AAMDC: variants seen among roughly 807,000 people sequenced by gnomAD.
AAMDC encodes the protein adipogenesis associated Mth938 domain containing.
In AAMDC, 16 loss-of-function variants were observed where a neutral mutation model predicts 15.5. The ratio of observed to expected loss-of-function variants is 1.03; its 90% CI spans 0.70 to 1.57. The LOEUF is 1.57. Ranked by LOEUF, AAMDC falls within the 40% of genes most tolerant of loss-of-function variation. AAMDC has a pLI of 0.00. For synonymous variants in AAMDC, 51 were observed against 51.6 expected (o/e 0.99, Z 0.05); for missense variants, 141 against 144.9 (o/e 0.97, Z 0.14).
At chr11:77,898,292 A>C (rs1952619402) in intron 5 of AAMDC, among the ~76,000 whole-genome samples, 1 of 152,182 alleles carries the variant, frequency 6.6e-6, no homozygotes, top group Non-Finnish European at 1.5e-5. Flanking sequence ...CCTCCCGAGT[A>C]GCTGGGATTA....
intron 5 of AAMDC, chr11:77,878,855 TAC>T (rs1376516026): frequency 1.1e-6 from 1 of 885,800 alleles, no homozygotes; most frequent in African/African-American, 1.6e-5. Context: ...TCCTTAAGCC[TAC>T]ACATCAATTC....
intron 2 of AAMDC, among the ~76,000 whole-genome samples, chr11:77,845,485 C>T (rs1010997264): frequency 6.6e-6 from 1 of 151,894 alleles, no homozygotes; most frequent in Admixed American, 6.6e-5. Flanking sequence ...AGCTGGAGTG[C>T]CGTGGCACAA....
intron 5 of AAMDC, chr11:77,879,097 A>ATG (rs769873160): frequency 6.2e-7 from 1 of 1,614,222 alleles, no homozygotes. Context: ...GTTGTAGGCC[A>ATG]GCAGCAGCCT....
chr11:77,837,525 G>T (rs1442534673), intron 1 of AAMDC, among the ~76,000 whole-genome samples: 1 of 152,002 alleles, frequency 6.6e-6, no homozygotes. Context: ...TGCGATCTTG[G>T]CTCATTGTTA....
At chr11:77,874,894 A>G (rs531951911), downstream of AAMDC, among the ~76,000 whole-genome samples, 7 of 152,202 alleles carry the variant, frequency 4.6e-5, no homozygotes, top group Non-Finnish European at 1.0e-4. Context: ...AAAATTAGCC[A>G]GGCGTGGTGG....
At chr11:77,883,322 C>T (rs1951866174) in intron 5 of AAMDC, among the ~76,000 whole-genome samples, 1 of 152,088 alleles carries the variant, frequency 6.6e-6, no homozygotes. Flanking sequence ...GGCTTACAGG[C>T]TTGAAATGTA....
Position 77,868,674 on chromosome 11 carries a change from TTTGTTG to T in AAMDC, c.133-1027_133-1022del, listed in dbSNP as rs575076133. ...TTTTTTAATGTACAGTCCAGAGGTT[TTTGTTG>T]TTGTTGTTGTTGTTGTTGTTTTTTA... On this transcript the variant is annotated intron_variant, in intron 2 of 3. Transcript: ENST00000393427. The T allele has an allele frequency of 7.6e-5, 13 of 170,394 alleles. No homozygotes were observed. In the East Asian group the frequency reaches 1.1e-3, roughly 15 times the overall value. 10.6% of individuals were successfully genotyped at this position (170,394 alleles called of 1,614,324 possible). A position where few individuals can be genotyped will look rare whatever the true frequency, so the allele number is the denominator to read the frequency against.
At chr11:77,856,382 T>C (rs1048326592) in intron 2 of AAMDC, among the ~76,000 whole-genome samples, 7 of 152,196 alleles carry the variant, frequency 4.6e-5, no homozygotes, top group Admixed American at 3.9e-4. Context: ...TCATCTTCCT[T>C]TCTTCTTCTG....
At chr11:77,821,518 G>T (rs1337099788) in intron 1 of AAMDC, among the ~76,000 whole-genome samples, 1 of 152,076 alleles carries the variant, frequency 6.6e-6, no homozygotes, top group Non-Finnish European at 1.5e-5. Context: ...AACTCTGGGG[G>T]AATCGTCGGA....
intron 1 of AAMDC, among the ~76,000 whole-genome samples, chr11:77,838,159 G>C (rs1949770492): frequency 6.6e-6 from 1 of 152,172 alleles, no homozygotes; most frequent in Admixed American, 6.5e-5. Context: ...ATCGTCTTTA[G>C]TTGGAGATTA....
chr11:77,885,709 C>G (rs909904583), intron 5 of AAMDC, among the ~76,000 whole-genome samples: 2 of 151,854 alleles, frequency 1.3e-5, no homozygotes, highest in African/African-American at 4.8e-5. Context: ...GTCCCAGCTA[C>G]TTGGGAGGCT....
intron 2 of AAMDC, among the ~76,000 whole-genome samples, chr11:77,859,207 T>C (rs1401608345): frequency 6.6e-6 from 1 of 152,232 alleles, no homozygotes; most frequent in East Asian, 1.9e-4. Flanking sequence ...AGGGGCTTGG[T>C]TTCCCAGAGG....
At chr11:77,828,511 CA>C (rs1949278771) in intron 1 of AAMDC, among the ~76,000 whole-genome samples, 2 of 151,382 alleles carry the variant, frequency 1.3e-5, no homozygotes, top group South Asian at 4.2e-4. Flanking sequence ...ACTAAAAATA[CA>C]AAAACAAAAT....
intron 5 of AAMDC, among the ~76,000 whole-genome samples, chr11:77,885,235 GC>G (rs941841692): frequency 1.3e-5 from 2 of 151,936 alleles, no homozygotes; most frequent in Non-Finnish European, 2.9e-5. Flanking sequence ...CCACCGTCAT[GC>G]CCGGCTAATT....
At chr11:77,871,742 C>T in intron 3 of AAMDC, among the ~76,000 whole-genome samples, 1 of 152,214 alleles carries the variant, frequency 6.6e-6, no homozygotes, top group East Asian at 1.9e-4. Context: ...CTAACTCAAA[C>T]ATTTAACATT....
At chr11:77,859,773 G>A (rs1406193742) in intron 2 of AAMDC, among the ~76,000 whole-genome samples, 1 of 152,218 alleles carries the variant, frequency 6.6e-6, no homozygotes, top group Non-Finnish European at 1.5e-5. Flanking sequence ...TGACAGTTAT[G>A]TTCTATCTTT....
At chr11:77,845,328 G>C (rs1250161502) in intron 2 of AAMDC, among the ~76,000 whole-genome samples, 1 of 151,650 alleles carries the variant, frequency 6.6e-6, no homozygotes, top group Non-Finnish European at 1.5e-5. Context: ...AATCTCAATT[G>C]ACCTATTTTC....
chr11:77,873,151 G>A (rs537991069), downstream of AAMDC, among the ~76,000 whole-genome samples: 337 of 152,206 alleles, frequency 2.2e-3, 2 homozygotes, highest in African/African-American at 7.9e-3. Flanking sequence ...GGGCTTTGGT[G>A]TCAAATAGCC....
At chr11:77,883,495 G>C (rs1951872441) in intron 5 of AAMDC, among the ~76,000 whole-genome samples, 1 of 152,184 alleles carries the variant, frequency 6.6e-6, no homozygotes, top group Non-Finnish European at 1.5e-5. Flanking sequence ...GGAGAGACTT[G>C]TCTAAGGTGA....
Sources: gnomAD v4.1 joint callset for allele counts (sites outside exome capture counted in the v4.1 genomes callset) on GRCh38, gnomAD v4.1.1 for gene constraint, MANE v1.5 for transcripts, NCBI Gene and HGNC (gene_info 2026-07-23, HGNC 2026-07-21) for gene names.